The following PTPRN2 variants were observed in gnomAD, a reference collection of about 807,000 sequenced individuals.
PTPRN2 encodes the protein receptor-type tyrosine-protein phosphatase N2.
A neutral mutation model predicts 118.8 loss-of-function variants in PTPRN2; 74 were observed. That is an observed-to-expected ratio of 0.62 (90% CI 0.52 to 0.76). PTPRN2 has a LOEUF of 0.76. Ranked by LOEUF, PTPRN2 falls within the 30% of genes least tolerant of loss-of-function variation. The pLI is 0.00. For synonymous variants in PTPRN2, 641 were observed against 608.0 expected (o/e 1.05, Z -0.80); for missense variants, 1,481 against 1,394.4 (o/e 1.06, Z -0.99).
intron 1 of PTPRN2, chr7:158,541,783 C>T (rs570036487): frequency 6.1e-6 from 6 of 980,504 alleles, no homozygotes; most frequent in African/African-American, 5.2e-5. Flanking sequence ...GGGGAAGTAT[C>T]AGAGGAGAAG....
intron 11 of PTPRN2, among the ~76,000 whole-genome samples, chr7:158,049,324 T>G (rs982871280): frequency 5.5e-4 from 84 of 152,366 alleles, no homozygotes; most frequent in African/African-American, 1.8e-3. Flanking sequence ...CCCGATTCTC[T>G]GTGCCGTCTT....
In PTPRN2 at chr7:157,571,460, A is replaced by T. The variant is rs2150514455; in HGVS notation, c.2817T>A (p.Cys939Ter). Residue 939 changes from cysteine to a stop codon, truncating the protein, a stop_gained, in exon 20 of 23, where the codon TGT becomes TGA. Transcript: ENST00000389418. LOFTEE classifies it high-confidence loss of function. ...CTTGCCTGCAATGAACAATTATTGG[A>T]CAAGAACGGCCCCTGTAGCACTTGT... ...KVNKCYRGRS[C>*]PIIVHCSDGA... is the part of the protein sequence containing the mutation. 1 of 1,610,272 alleles carries T rather than the reference A, an allele frequency of 6.2e-7. No homozygotes were observed. The highest frequency in any genetic ancestry group is 8.5e-7 in the Non-Finnish European group (1 of 1,178,238).
chr7:157,575,947 C>T, intron 19 of PTPRN2, among the ~76,000 whole-genome samples: 1 of 152,318 alleles, frequency 6.6e-6, no homozygotes, highest in East Asian at 1.9e-4. Flanking sequence ...CTAGCCAATG[C>T]GGACCGACTG....
intron 2 of PTPRN2, among the ~76,000 whole-genome samples, chr7:158,322,557 G>A (rs117726405): frequency 0.091 from 13,880 of 151,848 alleles, 841 homozygotes; most frequent in Non-Finnish European, 0.14. Flanking sequence ...GAGCAGCTCC[G>A]TGCATGGCAG....
intron 2 of PTPRN2, among the ~76,000 whole-genome samples, chr7:158,406,010 G>A (rs1283689579): frequency 2.0e-5 from 3 of 146,606 alleles, no homozygotes; most frequent in East Asian, 2.1e-4. Flanking sequence ...CGTGAGACAC[G>A]TGGCTGCACA....
At chr7:158,159,611 T>C (rs1055675065) in intron 6 of PTPRN2, among the ~76,000 whole-genome samples, 4 of 152,126 alleles carry the variant, frequency 2.6e-5, no homozygotes, top group Non-Finnish European at 5.9e-5. Context: ...TCAGTGTGGC[T>C]GGTGTTTGAT....
intron 6 of PTPRN2, among the ~76,000 whole-genome samples, chr7:158,154,214 C>T (rs7806286): frequency 0.78 from 118,435 of 152,188 alleles, 46,265 homozygotes; most frequent in East Asian, 0.9. Flanking sequence ...AGGTGTTCTC[C>T]GGAGTCAGCC....
intron 2 of PTPRN2, among the ~76,000 whole-genome samples, chr7:158,395,327 G>C (rs190884416): frequency 7.7e-4 from 89 of 115,678 alleles, no homozygotes; most frequent in South Asian, 1.6e-3. Context: ...GGCGAGGGGC[G>C]AGGGGCGAGG....
At chr7:158,170,761 G>A (rs548342564) in intron 5 of PTPRN2, among the ~76,000 whole-genome samples, 14 of 152,196 alleles carry the variant, frequency 9.2e-5, no homozygotes, top group South Asian at 8.3e-4. Flanking sequence ...GCTCTTTCAC[G>A]GTTTGAGGTC....
intron 4 of PTPRN2, among the ~76,000 whole-genome samples, chr7:158,195,665 T>C (rs1826159142): frequency 6.6e-6 from 1 of 152,036 alleles, no homozygotes; most frequent in Non-Finnish European, 1.5e-5. Flanking sequence ...GGATAGTTCC[T>C]ATTGCTGTGT....
chr7:158,448,375 A>T (rs1452846776), intron 2 of PTPRN2, among the ~76,000 whole-genome samples: 1 of 152,196 alleles, frequency 6.6e-6, no homozygotes, highest in East Asian at 1.9e-4. Flanking sequence ...AAAACCCCCC[A>T]AAAAGAGAAG....
chr7:157,683,668 T>C (rs1797020249), intron 12 of PTPRN2, among the ~76,000 whole-genome samples: 1 of 152,064 alleles, frequency 6.6e-6, no homozygotes, highest in Admixed American at 6.5e-5. Context: ...TCACTGCTTC[T>C]TGGAGGGCGG....
At chr7:158,130,064 T>G (rs1818043082) in intron 9 of PTPRN2, among the ~76,000 whole-genome samples, 1 of 152,220 alleles carries the variant, frequency 6.6e-6, no homozygotes, top group Non-Finnish European at 1.5e-5. Flanking sequence ...AAAATCATCT[T>G]AAATTTTAAT....
chr7:158,368,053 C>T (rs1809667579), intron 2 of PTPRN2, among the ~76,000 whole-genome samples: 1 of 152,210 alleles, frequency 6.6e-6, no homozygotes, highest in African/African-American at 2.4e-5. Flanking sequence ...ATTTGACCAG[C>T]ACCAGAAGTC....
intron 13 of PTPRN2, among the ~76,000 whole-genome samples, chr7:157,677,001 T>A (rs1353700821): frequency 1.3e-5 from 2 of 152,128 alleles, no homozygotes; most frequent in Non-Finnish European, 2.9e-5. Context: ...CCCCTGGTGC[T>A]GTGTGAGCAC....
intron 12 of PTPRN2, among the ~76,000 whole-genome samples, chr7:157,867,005 TCCCTGACGCCCTGGATACAC>T: frequency 2.1e-5 from 1 of 48,658 alleles, no homozygotes; most frequent in Admixed American, 2.3e-4. Flanking sequence ...CACCACCCCG[TCCCTGACGCCCTGGATACAC>T]GGCCACCTGG....
At chr7:157,850,768 C>T (rs950895248) in intron 12 of PTPRN2, among the ~76,000 whole-genome samples, 2 of 152,212 alleles carry the variant, frequency 1.3e-5, no homozygotes, top group African/African-American at 2.4e-5. Context: ...GAAGCTTCTT[C>T]ACACCACAAG....
chr7:158,388,378 C>A (rs756600557), intron 2 of PTPRN2, among the ~76,000 whole-genome samples: 1 of 152,224 alleles, frequency 6.6e-6, no homozygotes, highest in Non-Finnish European at 1.5e-5. Flanking sequence ...TTCTTCCCAG[C>A]CAGCGACAAA....
At chr7:157,982,135 G>C (rs1803245673) in intron 11 of PTPRN2, among the ~76,000 whole-genome samples, 9 of 131,042 alleles carry the variant, frequency 6.9e-5, no homozygotes, top group African/African-American at 1.9e-4. Flanking sequence ...GCAGAGTGCA[G>C]CGTCCCCCAT....
Sources: allele counts gnomAD v4.1 joint callset (sites outside exome capture counted in the v4.1 genomes callset), GRCh38; gene constraint gnomAD v4.1.1; transcripts MANE v1.5; gene names NCBI Gene and HGNC (gene_info 2026-07-23, HGNC 2026-07-21).